Variants in ATP2A3 observed in about 807,000 individuals in gnomAD.
ATP2A3 encodes the protein sarcoplasmic/endoplasmic reticulum calcium ATPase 3.
In ATP2A3, 61 loss-of-function variants were observed where a neutral mutation model predicts 106.8. The ratio of observed to expected loss-of-function variants is 0.57; its 90% CI spans 0.46 to 0.71. The LOEUF is 0.71. Among genes scored for constraint, ATP2A3 ranks in the 30% least tolerant of loss-of-function variants. The probability of loss-of-function intolerance (pLI) is 0.00; values close to 1 mark genes in which losing one functional copy is unlikely to be tolerated. For missense variants in ATP2A3, 1,201 were observed against 1,423.5 expected, an observed-to-expected ratio of 0.84 and a Z score of 2.52; for synonymous variants, 611 against 609.3, an observed-to-expected ratio of 1.00 and a Z score of -0.04.
intron 1 of ATP2A3, among the ~76,000 whole-genome samples, chr17:3,956,484 C>T (rs1047596097): frequency 2.0e-5 from 3 of 152,188 alleles, no homozygotes; most frequent in African/African-American, 2.4e-5. Context: ...TGGCCAGGAC[C>T]GCAGCCACTA....
Position 3,925,516 on chromosome 17 carries a change from T to A in ATP2A3, c.2981-75A>T. ...ATCCAGACAGCTTCCTTCCAGCCCC[T>A]TCCATCCTCCACTTCTCCCAGGACA... On this transcript the variant is annotated intron_variant, in intron 20 of 20. Coordinates refer to ENST00000397041, the MANE Select transcript of ATP2A3 (RefSeq NM_005173.4). The surrounding 1 kb of genome is among the most constrained non-coding windows in gnomAD (Gnocchi z 4.2). The A allele has an allele frequency of 2.6e-6, 4 of 1,539,312 alleles. No individual in the cohort carries two copies. The highest frequency in any genetic ancestry group is 3.5e-6 in the Non-Finnish European group (4 of 1,136,756).
chr17:3,946,812 C>T (rs938879807), intron 8 of ATP2A3, among the ~76,000 whole-genome samples: 3 of 152,218 alleles, frequency 2.0e-5, no homozygotes, highest in Non-Finnish European at 4.4e-5. Flanking sequence ...CATCTCCCCA[C>T]CCACCCATCT....
intron 8 of ATP2A3, among the ~76,000 whole-genome samples, chr17:3,946,493 T>C (rs901024864): frequency 7.9e-5 from 12 of 151,938 alleles, no homozygotes; most frequent in Admixed American, 1.3e-4. Flanking sequence ...AGGCAGAGGT[T>C]GCAGTGAGCT....
In ATP2A3 at chr17:3,928,286, A is replaced by T; in HGVS notation, c.2980+377T>A. 1 of 1,613,270 alleles carries T rather than the reference A, an allele frequency of 6.2e-7. No homozygotes were observed. The highest frequency in any genetic ancestry group is 8.5e-7 in the Non-Finnish European group (1 of 1,180,014). ...GAGGTGGTCAGCGGCTGCCTACTCC[A>T]GGCCTGCGAGACTGTCCTGAGAAGG... On this transcript the variant is annotated intron_variant, in intron 20 of 20. Transcript: ENST00000397041. The surrounding 1 kb of genome is among the most constrained non-coding windows in gnomAD (Gnocchi z 6.1).
rs928497509 is a variant in ATP2A3 at position 3,940,282 on chromosome 17, C to G, written c.2100+689G>C. Among the ~76,000 whole-genome samples the G allele has an allele frequency of 6.6e-5, 10 of 152,108 alleles. No individual in the cohort carries two copies. The East Asian group carries it at 1.9e-3, about 29-fold the overall frequency. On this transcript the variant is annotated intron_variant, in intron 14 of 20. Transcript: ENST00000397041. ...CAAATTTTGCCTCAAAAAGGAAAAA[C>G]AGAACCACAAACAACATTGCTCTCT...
chr17:3,927,392 C>T (rs778775304), intron 20 of ATP2A3: 5 of 985,482 alleles, frequency 5.1e-6, no homozygotes, highest in Non-Finnish European at 6.0e-6. Flanking sequence ...CCGAGGAAGA[C>T]AAGCCACCTG....
intron 1 of ATP2A3, among the ~76,000 whole-genome samples, chr17:3,963,536 GC>G (rs1375693395): frequency 2.6e-5 from 4 of 152,214 alleles, no homozygotes; most frequent in Non-Finnish European, 5.9e-5. Context: ...GATGGGAAAG[GC>G]CTCCCTGGCA....
rs2054695837 is a variant in ATP2A3, at chr17:3,955,090, G to A, written c.119-1380C>T. Among the ~76,000 whole-genome samples, 1 of 152,190 alleles carries A rather than the reference G, an allele frequency of 6.6e-6. No homozygotes were observed. The highest frequency in any genetic ancestry group is 2.4e-5 in the African/African-American group (1 of 41,444). On this transcript the variant is annotated intron_variant, in intron 1 of 20. Coordinates refer to ENST00000397041, the MANE Select transcript of ATP2A3 (RefSeq NM_005173.4). This position sits in a 1 kb window ranked among gnomAD's most constrained non-coding sequence, Gnocchi z 4.2. ...CCAGGCCGCAGTCTAACTGAGCCCT[G>A]CCTCCTCTTGTCTCTTGCCACTCAA... is the stretch of plus-strand genomic sequence containing the variant.
chr17:3,923,967 C>T lies in ATP2A3; in HGVS notation c.*1455G>A, dbSNP rs542033984. On this transcript the variant is annotated 3_prime_UTR_variant, in exon 21 of 21. Transcript: ENST00000397041. Reference sequence around the variant, plus strand: ...CTGCTAAGACCTCCCCACCTCCCCCCAGGAAAGAAGCAGAGAATCTCTGCA... The same window carrying T: ...CTGCTAAGACCTCCCCACCTCCCCCTAGGAAAGAAGCAGAGAATCTCTGCA... 1.3e-5 allele frequency: 2 copies of T among 152,280 alleles called. No homozygotes were observed. The highest frequency in any genetic ancestry group is 2.9e-5 in the Non-Finnish European group (2 of 68,086). The allele number at this position is 152,280 out of a possible 1,614,324, so 9.4% of individuals were successfully genotyped here.
In ATP2A3 at chr17:3,936,496, C is replaced by T; in HGVS notation, c.2322-27G>A. ...TGGAACAGAGTCATGAGCTCTAGCCCCGGTAGGCCTAGCCCCCGGCAGATG... is the reference window on the plus strand; with the variant it reads ...TGGAACAGAGTCATGAGCTCTAGCCTCGGTAGGCCTAGCCCCCGGCAGATG... On this transcript the variant is annotated intron_variant, in intron 15 of 20. Transcript: ENST00000397041. This position sits in a 1 kb window ranked among gnomAD's most constrained non-coding sequence, Gnocchi z 5.4. 1 of 1,612,306 alleles carries T rather than the reference C, an allele frequency of 6.2e-7. No individual in the cohort carries two copies. The highest frequency in any genetic ancestry group is 8.5e-7 in the Non-Finnish European group (1 of 1,179,278).
intron 17 of ATP2A3, among the ~76,000 whole-genome samples, chr17:3,931,763 C>T (rs982472174): frequency 3.3e-5 from 5 of 152,128 alleles, no homozygotes; most frequent in South Asian, 2.1e-4. Context: ...CCTCGTGATC[C>T]GCCCGCCTTG....
intron 14 of ATP2A3, among the ~76,000 whole-genome samples, chr17:3,940,184 G>C (rs1325135974): frequency 1.3e-5 from 2 of 151,626 alleles, no homozygotes; most frequent in African/African-American, 4.8e-5. Flanking sequence ...ATAAGGCTGT[G>C]AGTTACACAG....
chr17:3,931,675 C>T (rs2053102943), intron 17 of ATP2A3, among the ~76,000 whole-genome samples: 1 of 152,074 alleles, frequency 6.6e-6, no homozygotes, highest in South Asian at 2.1e-4. Flanking sequence ...GCGCCCGCCA[C>T]CACGCCCGGC....
At position 3,935,294 on chromosome 17, in the gene ATP2A3, A is replaced by G; in HGVS notation, c.2525-17T>C. Reference sequence around the variant, plus strand: ...CTACGTACACTGCGGGGAAGGGAGGAGACCGGCTGTAGAGAATGGCGGTGG... The same window carrying G: ...CTACGTACACTGCGGGGAAGGGAGGGGACCGGCTGTAGAGAATGGCGGTGG... On this transcript the variant is annotated splice_polypyrimidine_tract_variant and intron_variant, in intron 16 of 20. Coordinates refer to ENST00000397041, the MANE Select transcript of ATP2A3 (RefSeq NM_005173.4). 1 of 1,611,084 alleles carries G rather than the reference A, an allele frequency of 6.2e-7. No individual in the cohort carries two copies. Among genetic ancestry groups the G allele is most frequent in the Non-Finnish European group, 8.5e-7 (1 of 1,178,314 alleles).
In ATP2A3 at chr17:3,941,250, C is replaced by T; in HGVS notation, c.1821G>A (p.Val607=). The T allele has an allele frequency of 1.2e-6, 2 of 1,614,056 alleles. No individual in the cohort carries two copies. The highest frequency in any genetic ancestry group is 1.7e-6 in the Non-Finnish European group (2 of 1,180,014). The change falls in exon 14 of 21, where the codon GTG becomes GTA. Residue 607 remains valine (V), a synonymous_variant. Coordinates refer to ENST00000397041, the MANE Select transcript of ATP2A3 (RefSeq NM_005173.4). ...VGMLDPPRPE[V]AACITRCYQA... ...GGTAGCAGCGTGTGATGCAGGCAGCCACCTCAGGTCGCGGCGGGTCCAGCA... is the reference window on the plus strand; with the variant it reads ...GGTAGCAGCGTGTGATGCAGGCAGCTACCTCAGGTCGCGGCGGGTCCAGCA...
At position 3,955,960 on chromosome 17, in the gene ATP2A3, C is replaced by A. The variant is rs2054754096; in HGVS notation, c.119-2250G>T. 6.6e-6 allele frequency among the ~76,000 whole-genome samples: 1 copy of A among 151,914 alleles called. No individual in the cohort carries two copies. Among genetic ancestry groups the A allele is most frequent in the African/African-American group, 2.4e-5 (1 of 41,346 alleles). On this transcript the variant is annotated intron_variant, in intron 1 of 20. Transcript: ENST00000397041. This position sits in a 1 kb window ranked among gnomAD's most constrained non-coding sequence, Gnocchi z 4.2. ...GCAGTGGCGGGATCTTGGCTTACTG[C>A]AACCTCCGCCTCCCAGGTTCAAGCG...
chr17:3,941,603 G>A lies in ATP2A3; in HGVS notation c.1597C>T (p.Arg533Cys), dbSNP rs772480917. The change falls in exon 13 of 21, where the codon CGC (arginine) becomes TGC (cysteine). Residue 533 changes from arginine (R) to cysteine (C), a missense_variant. Arg to Cys is a radical substitution (Grantham distance 180). Transcript: ENST00000397041. ...ERCSSVRVGS[R>C]TAPLTPTSRE... is the part of the protein sequence containing the mutation. ...GAGGTGGGGGTCAGGGGTGCTGTGC[G>A]GCTCCCCACGCGGACTGAGCTACAG... 1.5e-5 allele frequency: 24 copies of A among 1,611,854 alleles called. No homozygotes were observed. Among genetic ancestry groups the A allele is most frequent in the South Asian group, 5.5e-5 (5 of 91,066 alleles).
At position 3,925,546 on chromosome 17, in the gene ATP2A3, C is replaced by T. The variant is rs1029589058; in HGVS notation, c.2981-105G>A. 9 of 1,438,150 alleles carry T rather than the reference C, an allele frequency of 6.3e-6. No homozygotes were observed. The highest frequency in any genetic ancestry group is 6.6e-6 in the Non-Finnish European group (7 of 1,053,852). The allele number at this position is 1,438,150 out of a possible 1,614,324, so 89.1% of individuals were successfully genotyped here. A position where few individuals can be genotyped will look rare whatever the true frequency, so the allele number is the denominator to read the frequency against. On this transcript the variant is annotated intron_variant, in intron 20 of 20. Coordinates refer to ENST00000397041, the MANE Select transcript of ATP2A3 (RefSeq NM_005173.4). The surrounding 1 kb of genome is among the most constrained non-coding windows in gnomAD (Gnocchi z 4.2). The stretch of plus-strand genomic sequence containing the variant: ...TCCTCCACTTCTCCCAGGACAGCCC[C>T]AGGCTCCCAAGGCCTCCCTTAGTCC...
At chr17:3,946,198 C>T (rs938649824) in intron 8 of ATP2A3, among the ~76,000 whole-genome samples, 2 of 147,106 alleles carry the variant, frequency 1.4e-5, no homozygotes, top group African/African-American at 2.5e-5. Flanking sequence ...CAGCCAAGAT[C>T]GTGCCACTGC....
Sources: allele counts gnomAD v4.1 joint callset (sites outside exome capture counted in the v4.1 genomes callset), GRCh38; gene constraint gnomAD v4.1.1; non-coding constraint Gnocchi (gnomAD v3.1); transcripts MANE v1.5; gene names NCBI Gene and HGNC (gene_info 2026-07-23, HGNC 2026-07-21).